TENM3: variants seen among roughly 807,000 people sequenced by gnomAD.
TENM3 encodes teneurin-3.
In TENM3, 63 loss-of-function variants were observed where a neutral mutation model predicts 255.1. The observed-to-expected ratio is 0.25, with a 90% confidence interval of 0.20 to 0.30. The LOEUF is 0.30. TENM3 is among the 10% of genes least tolerant of loss of function. The pLI is 1.00. For missense variants in TENM3, 2,929 were observed against 3,461.1 expected (o/e 0.85, Z 3.86); for synonymous variants, 1,306 against 1,322.3 (o/e 0.99, Z 0.27).
chr4:181,923,205 T>C, the TENM3 span, among the ~76,000 whole-genome samples: 1 of 152,150 alleles, frequency 6.6e-6, no homozygotes, highest in Non-Finnish European at 1.5e-5. Flanking sequence ...AAAAAATATA[T>C]ATTCTGTTGA....
At chr4:181,862,073 C>T in the TENM3 span, among the ~76,000 whole-genome samples, 1 of 151,990 alleles carries the variant, frequency 6.6e-6, no homozygotes, top group African/African-American at 2.4e-5. Flanking sequence ...TTTGTGTTAA[C>T]GTTTAAGACG....
the TENM3 span, among the ~76,000 whole-genome samples, chr4:181,481,532 C>A: frequency 4.6e-5 from 7 of 152,174 alleles, no homozygotes; most frequent in African/African-American, 1.7e-4. Context: ...ATATGCTCAA[C>A]AATCCTAGGA....
chr4:181,549,108 T>C, the TENM3 span, among the ~76,000 whole-genome samples: 1 of 152,148 alleles, frequency 6.6e-6, no homozygotes, highest in South Asian at 2.1e-4. Flanking sequence ...TTGCTGTCCC[T>C]GAACATACAC....
At chr4:181,537,037 T>G in the TENM3 span, among the ~76,000 whole-genome samples, 1 of 152,140 alleles carries the variant, frequency 6.6e-6, no homozygotes, top group Non-Finnish European at 1.5e-5. Flanking sequence ...TAAAGAGAAC[T>G]TTTTTTAAAG....
chr4:181,725,417 T>C, the TENM3 span, among the ~76,000 whole-genome samples: 1 of 62,548 alleles, frequency 1.6e-5, no homozygotes, highest in East Asian at 5.6e-4. Flanking sequence ...ATTCTTTTTC[T>C]TTCTTTTTTT....
At chr4:182,067,026 T>C in the TENM3 span, among the ~76,000 whole-genome samples, 1 of 152,196 alleles carries the variant, frequency 6.6e-6, no homozygotes, top group African/African-American at 2.4e-5. Context: ...GGACCTACTG[T>C]GGATACCTCT....
intron 1 of TENM3, among the ~76,000 whole-genome samples, chr4:182,274,545 G>C (rs891211803): frequency 2.0e-5 from 3 of 152,258 alleles, no homozygotes; most frequent in African/African-American, 7.2e-5. Context: ...GAGTTTGACT[G>C]GGGTCGCATG....
chr4:181,627,044 A>C, the TENM3 span, among the ~76,000 whole-genome samples: 1 of 152,140 alleles, frequency 6.6e-6, no homozygotes, highest in African/African-American at 2.4e-5. Flanking sequence ...TCCCTGCAGG[A>C]GAAACATGGA....
chr4:182,668,934 A>G (rs1754957725), intron 6 of TENM3, among the ~76,000 whole-genome samples: 4 of 152,216 alleles, frequency 2.6e-5, no homozygotes, highest in Non-Finnish European at 2.9e-5. Context: ...CAGGTATGCT[A>G]TTAAAACTCA....
At chr4:181,814,133 C>T in the TENM3 span, among the ~76,000 whole-genome samples, 6 of 152,058 alleles carry the variant, frequency 3.9e-5, no homozygotes, top group Non-Finnish European at 8.8e-5. Flanking sequence ...GGGCCTTATG[C>T]TGCTTACAGA....
the TENM3 span, among the ~76,000 whole-genome samples, chr4:181,806,730 C>A: frequency 1.3e-5 from 2 of 152,206 alleles, no homozygotes. Flanking sequence ...AAATAAATGT[C>A]TGTCCTTAAC....
At chr4:182,294,487 A>G (rs566969672) in intron 1 of TENM3, among the ~76,000 whole-genome samples, 48 of 151,982 alleles carry the variant, frequency 3.2e-4, no homozygotes, top group South Asian at 1.3e-3. Context: ...TGGAATTGAC[A>G]TGGGGAAAAA....
the TENM3 span, among the ~76,000 whole-genome samples, chr4:182,064,307 G>C: frequency 6.6e-6 from 1 of 152,072 alleles, no homozygotes; most frequent in Non-Finnish European, 1.5e-5. Flanking sequence ...GGCTGGGCGC[G>C]GTGGCTCACG....
the TENM3 span, among the ~76,000 whole-genome samples, chr4:181,486,590 C>G: frequency 6.6e-6 from 1 of 152,108 alleles, no homozygotes; most frequent in Non-Finnish European, 1.5e-5. Flanking sequence ...TCTTTTTAAG[C>G]TTTTGAGGCC....
chr4:181,462,133 A>G, the TENM3 span, among the ~76,000 whole-genome samples: 1 of 152,186 alleles, frequency 6.6e-6, no homozygotes, highest in Admixed American at 6.5e-5. Flanking sequence ...GTGATATCCC[A>G]TTTGAGAAAT....
chr4:182,776,858 C>T (rs201774343), intron 24 of TENM3, among the ~76,000 whole-genome samples: 5 of 152,128 alleles, frequency 3.3e-5, no homozygotes, highest in African/African-American at 9.7e-5. Context: ...TTAGAAAATA[C>T]GCTATTTAAA....
At chr4:182,757,097 G>A (rs985493926) in intron 22 of TENM3, among the ~76,000 whole-genome samples, 1 of 151,998 alleles carries the variant, frequency 6.6e-6, no homozygotes, top group Non-Finnish European at 1.5e-5. Context: ...CGGATCACGA[G>A]GTCAGGAGAT....
chr4:182,097,484 G>T, the TENM3 span, among the ~76,000 whole-genome samples: 1 of 152,196 alleles, frequency 6.6e-6, no homozygotes, highest in African/African-American at 2.4e-5. Context: ...AGAAACCTGA[G>T]ATTCTTCATA....
chr4:182,015,406 T>G, the TENM3 span, among the ~76,000 whole-genome samples: 1 of 152,218 alleles, frequency 6.6e-6, no homozygotes, highest in African/African-American at 2.4e-5. Context: ...AATAGCATTC[T>G]GAACATCTTA....
Sources: gnomAD v4.1 joint callset for allele counts (sites outside exome capture counted in the v4.1 genomes callset) on GRCh38, gnomAD v4.1.1 for gene constraint, MANE v1.5 for transcripts, NCBI Gene and HGNC (gene_info 2026-07-23, HGNC 2026-07-21) for gene names.